RGS6: variants seen among roughly 807,000 people sequenced by gnomAD.
The protein encoded by RGS6 is regulator of G-protein signaling 6.
Under a neutral mutation model 78.5 loss-of-function variants are expected in RGS6, and 30 were observed. The observed-to-expected ratio is 0.38, with a 90% CI of 0.29 to 0.52. The LOEUF is 0.52. Ranked by LOEUF, RGS6 falls within the 20% of genes least tolerant of loss-of-function variation. The probability of loss-of-function intolerance (pLI) is 0.85; values close to 1 mark genes in which losing one functional copy is unlikely to be tolerated. For missense variants in RGS6, 495 were observed against 609.7 expected (o/e 0.81, Z 1.98); for synonymous variants, 206 against 206.0 (o/e 1.00, Z 0.00).
intron 1 of RGS6, among the ~76,000 whole-genome samples, chr14:71,949,985 G>T (rs1444658411): frequency 6.6e-6 from 1 of 151,902 alleles, no homozygotes; most frequent in African/African-American, 2.4e-5. Context: ...CACATTTGTG[G>T]TCTGTCTCTG....
chr14:72,605,577 C>T, the RGS6 span, among the ~76,000 whole-genome samples: 1 of 152,198 alleles, frequency 6.6e-6, no homozygotes, highest in Admixed American at 6.5e-5. Flanking sequence ...AGGCTTACGA[C>T]GCAGATGTGA....
At chr14:72,623,317 T>TA in the RGS6 span, among the ~76,000 whole-genome samples, 34 of 151,868 alleles carry the variant, frequency 2.2e-4, no homozygotes, top group Middle Eastern at 3.4e-3. Flanking sequence ...AATATGTCCC[T>TA]AAAAAAAACA....
At chr14:72,152,549 AG>A (rs1462059085) in intron 2 of RGS6, among the ~76,000 whole-genome samples, 1 of 152,196 alleles carries the variant, frequency 6.6e-6, no homozygotes, top group African/African-American at 2.4e-5. Context: ...GCTGACATAC[AG>A]TTGTTTTGTA....
chr14:72,603,363 C>T, the RGS6 span, among the ~76,000 whole-genome samples: 1 of 152,218 alleles, frequency 6.6e-6, no homozygotes, highest in East Asian at 1.9e-4. Context: ...GAACTGCCTT[C>T]CTCCCACAGG....
intron 2 of RGS6, among the ~76,000 whole-genome samples, chr14:72,218,721 C>T (rs1004065363): frequency 1.3e-5 from 2 of 152,092 alleles, no homozygotes; most frequent in African/African-American, 4.8e-5. Context: ...AAGTGATTCT[C>T]CTGTCTCAGC....
At chr14:72,477,821 A>G (rs1360217797) in intron 11 of RGS6, among the ~76,000 whole-genome samples, 2 of 151,954 alleles carry the variant, frequency 1.3e-5, no homozygotes. Flanking sequence ...AAAAAAGAAA[A>G]AAAAACCACA....
intron 3 of RGS6, among the ~76,000 whole-genome samples, chr14:72,410,665 T>C (rs1042985187): frequency 4.6e-4 from 70 of 152,192 alleles, no homozygotes; most frequent in Non-Finnish European, 1.9e-4. Context: ...CTGAATGGTA[T>C]TGCCTAGGTT....
chr14:72,325,027 G>T (rs1396661233), intron 2 of RGS6, among the ~76,000 whole-genome samples: 1 of 152,166 alleles, frequency 6.6e-6, no homozygotes, highest in Non-Finnish European at 1.5e-5. Context: ...GTTGTTCCCT[G>T]ACTTTTTAAT....
chr14:72,481,805 C>CTTT (rs34462310), intron 12 of RGS6, among the ~76,000 whole-genome samples: 12 of 120,070 alleles, frequency 1.0e-4, no homozygotes, highest in Non-Finnish European at 1.5e-4. Context: ...TTTATTTTAA[C>CTTT]TTTTTTTTTT....
intron 13 of RGS6, among the ~76,000 whole-genome samples, chr14:72,499,399 T>C (rs8010440): frequency 0.24 from 37,020 of 152,094 alleles, 6,829 homozygotes; most frequent in African/African-American, 0.52. Context: ...GTTGCTTCCA[T>C]ATGCCCCTTG....
chr14:72,545,002 C>T (rs2097373510), intron 17 of RGS6, among the ~76,000 whole-genome samples: 1 of 152,258 alleles, frequency 6.6e-6, no homozygotes, highest in Admixed American at 6.5e-5. Flanking sequence ...GTTTTCCCCT[C>T]CTCCTCAAGG....
chr14:72,290,505 G>A (rs1048710285), intron 2 of RGS6, among the ~76,000 whole-genome samples: 4 of 152,110 alleles, frequency 2.6e-5, no homozygotes, highest in African/African-American at 4.8e-5. Flanking sequence ...GAAGTCCCTC[G>A]AAATGGGTCC....
At chr14:72,014,692 T>G (rs2086588351) in intron 2 of RGS6, among the ~76,000 whole-genome samples, 1 of 152,250 alleles carries the variant, frequency 6.6e-6, no homozygotes, top group Non-Finnish European at 1.5e-5. Context: ...ACATGCCAGA[T>G]AGGCACGTTC....
intron 2 of RGS6, among the ~76,000 whole-genome samples, chr14:72,236,413 T>A (rs1404644178): frequency 6.6e-6 from 1 of 152,218 alleles, no homozygotes; most frequent in African/African-American, 2.4e-5. Context: ...TCAGGTAAAA[T>A]GTGCGCACAG....
chr14:72,020,508 T>C (rs2088172518), intron 2 of RGS6, among the ~76,000 whole-genome samples: 1 of 152,200 alleles, frequency 6.6e-6, no homozygotes. Context: ...TTGTCTCTCT[T>C]CTCTGCCCGA....
chr14:71,897,555 C>G, the RGS6 span, among the ~76,000 whole-genome samples: 1 of 152,086 alleles, frequency 6.6e-6, no homozygotes, highest in African/African-American at 2.4e-5. Flanking sequence ...GAGTCTTGCT[C>G]TGTCACCCAG....
chr14:72,119,918 A>C (rs1597905522), intron 2 of RGS6, among the ~76,000 whole-genome samples: 1 of 152,322 alleles, frequency 6.6e-6, no homozygotes. Flanking sequence ...CCGGTAGCAG[A>C]ATGAGCCTGG....
chr14:72,070,132 T>TTCTC (rs141781751), intron 2 of RGS6, among the ~76,000 whole-genome samples: 83 of 150,842 alleles, frequency 5.5e-4, no homozygotes, highest in African/African-American at 1.8e-3. Flanking sequence ...TGTGCTTTAT[T>TTCTC]TCTCTCTCTC....
chr14:72,580,315 A>T, the RGS6 span, among the ~76,000 whole-genome samples: 4 of 133,780 alleles, frequency 3.0e-5, no homozygotes, highest in South Asian at 2.4e-4. Context: ...TGTCCCCCCC[A>T]CCCCGACCCC....
Sources: gnomAD v4.1 joint callset for allele counts (sites outside exome capture counted in the v4.1 genomes callset) on GRCh38, gnomAD v4.1.1 for gene constraint, MANE v1.5 for transcripts, NCBI Gene and HGNC (gene_info 2026-07-23, HGNC 2026-07-21) for gene names.